The following IL16 variants were observed in gnomAD, a reference collection of about 807,000 sequenced individuals.
The protein encoded by IL16 is interleukin 16, also known as pro-interleukin-16.
IL16 carries 67 observed loss-of-function variants against 110.1 expected under a neutral mutation model. The observed-to-expected ratio is 0.61, with a 90% CI of 0.50 to 0.75. The LOEUF (loss-of-function observed/expected upper bound fraction) is 0.75, where lower values mean the gene tolerates loss of function less well. Among genes scored for constraint, IL16 ranks in the 30% least tolerant of loss-of-function variants. The pLI is 0.00. For missense variants in IL16, 1,545 were observed against 1,655.0 expected (o/e 0.93, Z 1.15); for synonymous variants, 689 against 662.9 (o/e 1.04, Z -0.61).
chr15:81,200,941 C>T lies in IL16; in HGVS notation c.-102+3789C>T, dbSNP rs538760737. ...GGTTGGAGAAGGTGGACAGGTGGCC[C>T]AGTCTTATGCGCTTTCCCTCTCTTC... On this transcript the variant is annotated intron_variant, in intron 1 of 18. Transcript: ENST00000683961. Among the ~76,000 whole-genome samples the T allele has an allele frequency of 3.3e-5, 5 of 152,272 alleles. No homozygotes were observed. In the East Asian group the frequency reaches 7.7e-4, roughly 24 times the overall value.
At chr15:81,207,719 C>A (rs1182434671) in intron 1 of IL16, among the ~76,000 whole-genome samples, 1 of 152,150 alleles carries the variant, frequency 6.6e-6, no homozygotes, top group Non-Finnish European at 1.5e-5. Flanking sequence ...TATTTTATGG[C>A]TGCATAGTAT....
At chr15:81,251,010 A>C (rs1447278107) in intron 2 of IL16, among the ~76,000 whole-genome samples, 1 of 152,154 alleles carries the variant, frequency 6.6e-6, no homozygotes, top group Non-Finnish European at 1.5e-5. Flanking sequence ...CAACCAGTTC[A>C]TCAAATTATC....
intron 1 of IL16, among the ~76,000 whole-genome samples, chr15:81,204,407 C>G (rs1029712170): frequency 6.6e-6 from 1 of 152,102 alleles, no homozygotes; most frequent in African/African-American, 2.4e-5. Flanking sequence ...TGCCCGTTTT[C>G]AAAGGGAATG....
At chr15:81,206,500 A>G (rs1300759270) in intron 1 of IL16, among the ~76,000 whole-genome samples, 1 of 152,244 alleles carries the variant, frequency 6.6e-6, no homozygotes, top group African/African-American at 2.4e-5. Flanking sequence ...TGAAACCCAA[A>G]ACACAGAATA....
At chr15:81,199,520 C>G (rs1359546527) in intron 1 of IL16, among the ~76,000 whole-genome samples, 1 of 152,226 alleles carries the variant, frequency 6.6e-6, no homozygotes, top group African/African-American at 2.4e-5. Flanking sequence ...TGACCCGATG[C>G]TGGGATCCCG....
chr15:81,303,400 T>C lies in IL16; in HGVS notation c.3319-149T>C. ...CTCCTGAAGGTCCATTCTTTACAGA[T>C]GAGGAAACTGAGGTTTGAGGAGGTG... On this transcript the variant is annotated intron_variant, in intron 15 of 18. Coordinates refer to ENST00000683961, the MANE Select transcript of IL16 (RefSeq NM_172217.5). The surrounding 1 kb of genome is among the most constrained non-coding windows in gnomAD (Gnocchi z 4.1). 1 of 621,512 alleles carries C rather than the reference T, an allele frequency of 1.6e-6. No homozygotes were observed. 38.5% of individuals were successfully genotyped at this position (621,512 alleles called of 1,614,324 possible). A position where few individuals can be genotyped will look rare whatever the true frequency, so the allele number is the denominator to read the frequency against.
chr15:81,275,299 A>T (rs1318413471), intron 6 of IL16, among the ~76,000 whole-genome samples: 1 of 143,466 alleles, frequency 7.0e-6, no homozygotes, highest in East Asian at 2.1e-4. Flanking sequence ...GAATGCAGAC[A>T]TTTGGGGAGC....
At chr15:81,234,367 C>A (rs562391929) in intron 2 of IL16, among the ~76,000 whole-genome samples, 63 of 152,170 alleles carry the variant, frequency 4.1e-4, no homozygotes, top group African/African-American at 1.5e-3. Context: ...TTTGGACTAA[C>A]ATAATTTTTA....
chr15:81,256,474 C>G (rs1206180516), intron 2 of IL16, among the ~76,000 whole-genome samples: 1 of 151,934 alleles, frequency 6.6e-6, no homozygotes, highest in East Asian at 1.9e-4. Context: ...GCTGGGACCA[C>G]AGGTGCATGC....
At chr15:81,189,227 G>A (rs911614704) in intron 1 of IL16, among the ~76,000 whole-genome samples, 2 of 151,048 alleles carry the variant, frequency 1.3e-5, no homozygotes, top group Non-Finnish European at 2.9e-5. Flanking sequence ...GGGTTCAAGC[G>A]ATTCTTTTGC....
At chr15:81,233,539 G>T (rs1356514838) in intron 2 of IL16, among the ~76,000 whole-genome samples, 2 of 151,328 alleles carry the variant, frequency 1.3e-5, no homozygotes, top group Non-Finnish European at 2.9e-5. Context: ...TTAAAGAAGA[G>T]AATGTATTGC....
At chr15:81,217,819 A>G (rs947715215) in intron 1 of IL16, among the ~76,000 whole-genome samples, 3 of 152,190 alleles carry the variant, frequency 2.0e-5, no homozygotes, top group Admixed American at 6.5e-5. Flanking sequence ...CATTTAATAA[A>G]CAACCACCCG....
chr15:81,285,886 T>C, intron 10 of IL16, 56 bp downstream of exon 10: 3 of 1,577,130 alleles, frequency 1.9e-6, no homozygotes, highest in Non-Finnish European at 8.7e-7. Flanking sequence ...AGTACCAAAA[T>C]TGGAACAAGA....
chr15:81,293,125 G>A (rs955101843), intron 12 of IL16, 88 bp downstream of exon 12: 2 of 1,406,556 alleles, frequency 1.4e-6, no homozygotes, highest in Non-Finnish European at 1.9e-6. Flanking sequence ...TGTTAGCAGG[G>A]CCAGAATGAA....
At chr15:81,300,539 T>C (rs995363389) in intron 14 of IL16, 64 bp downstream of exon 14, 3 of 1,061,486 alleles carry the variant, frequency 2.8e-6, no homozygotes, top group Non-Finnish European at 4.1e-6. Flanking sequence ...ATCTTTATTT[T>C]TAAAAATAAT....
chr15:81,243,163 A>ATATATATATATATATATATATATATATTT (rs1555416963), intron 2 of IL16, among the ~76,000 whole-genome samples: 1 of 15,032 alleles, frequency 6.7e-5, no homozygotes, highest in African/African-American at 2.2e-4. Flanking sequence ...ATATATATAT[A>ATATATATATATATATATATATATATATTT]TTTTTTTTTT....
At chr15:81,280,941 C>A (rs1017384454) in intron 8 of IL16, among the ~76,000 whole-genome samples, 3 of 152,130 alleles carry the variant, frequency 2.0e-5, no homozygotes, top group South Asian at 2.1e-4. Context: ...TCAGAAACAC[C>A]TTAGGGAGGA....
At chr15:81,222,539 TC>T (rs1896651290) in intron 1 of IL16, among the ~76,000 whole-genome samples, 1 of 151,970 alleles carries the variant, frequency 6.6e-6, no homozygotes, top group Non-Finnish European at 1.5e-5. Flanking sequence ...TCTACCTCTC[TC>T]CCCACCTCTA....
Position 81,290,558 on chromosome 15 carries a change from C to T in IL16, c.1420+18C>T, listed in dbSNP as rs745873606. ...TCTGGAAGGTAAGACAAATGGTGAA[C>T]TTTGATGTAAAATATCTTTGCCTTC... On this transcript the variant is annotated intron_variant, in intron 11 of 18. Coordinates refer to ENST00000683961, the MANE Select transcript of IL16 (RefSeq NM_172217.5). 5.4e-5 allele frequency: 83 copies of T among 1,533,820 alleles called. No individual in the cohort carries two copies. The highest frequency in any genetic ancestry group is 7.4e-5 in the Non-Finnish European group (82 of 1,111,582).
Sources: gnomAD v4.1 joint callset for allele counts (sites outside exome capture counted in the v4.1 genomes callset) on GRCh38, gnomAD v4.1.1 for gene constraint, Gnocchi (gnomAD v3.1) non-coding constraint, MANE v1.5 for transcripts, NCBI Gene and HGNC (gene_info 2026-07-23, HGNC 2026-07-21) for gene names.